TNRC6B: variants seen among roughly 807,000 people sequenced by gnomAD.
The protein encoded by TNRC6B is trinucleotide repeat containing adaptor 6B, also known as trinucleotide repeat-containing gene 6B protein.
TNRC6B carries 52 observed loss-of-function variants against 203.6 expected under a neutral mutation model. The observed-to-expected ratio is 0.26, with a 90% CI of 0.20 to 0.32. The LOEUF (loss-of-function observed/expected upper bound fraction) is 0.32, where lower values mean the gene tolerates loss of function less well. TNRC6B is among the 10% of genes least tolerant of loss of function. TNRC6B has a pLI of 1.00. For missense variants in TNRC6B, 1,923 were observed against 2,286.2 expected, an observed-to-expected ratio of 0.84 and a Z score of 3.24; for synonymous variants, 838 against 845.7, an observed-to-expected ratio of 0.99 and a Z score of 0.16.
chr22:40,117,858 A>G (rs1429526306), intron 2 of TNRC6B, among the ~76,000 whole-genome samples: 1 of 152,142 alleles, frequency 6.6e-6, no homozygotes, highest in Admixed American at 6.6e-5. Flanking sequence ...AATATTTTAT[A>G]TTAAAGTTGT....
intron 1 of TNRC6B, among the ~76,000 whole-genome samples, chr22:40,088,133 G>C (rs1857976176): frequency 6.6e-6 from 1 of 152,164 alleles, no homozygotes. Context: ...ATAAAAAGTT[G>C]TACCTTTAAA....
intron 22 of TNRC6B, chr22:40,321,891 G>C (rs1033045708): frequency 1.3e-5 from 2 of 152,278 alleles, no homozygotes; most frequent in African/African-American, 2.4e-5. Context: ...TGTGGTCTTG[G>C]GGGGTAGCAG....
intron 1 of TNRC6B, among the ~76,000 whole-genome samples, chr22:40,074,241 A>G (rs1447617413): frequency 6.6e-6 from 1 of 151,506 alleles, no homozygotes; most frequent in Non-Finnish European, 1.5e-5. Context: ...GTCTCAAAAA[A>G]AAAAAAAAAA....
At chr22:40,156,153 G>A (rs780517138) in exon 4 of TNRC6B, 3 of 1,580,824 alleles carry the variant, frequency 1.9e-6, no homozygotes, top group Non-Finnish European at 1.7e-6. Context: ...GGCATGGCAA[G>A]ACTCCACCTC....
At chr22:40,194,107 T>G (rs2069306958) in intron 1 of TNRC6B, among the ~76,000 whole-genome samples, 1 of 152,154 alleles carries the variant, frequency 6.6e-6, no homozygotes, top group African/African-American at 2.4e-5. Flanking sequence ...TGAATATGCA[T>G]GACAGTGCGT....
chr22:40,054,046 G>A (rs2067772390), intron 1 of TNRC6B, among the ~76,000 whole-genome samples: 3 of 152,048 alleles, frequency 2.0e-5, no homozygotes, highest in Non-Finnish European at 4.4e-5. Context: ...GCAAAACCCT[G>A]TCTCTGCAAA....
intron 17 of TNRC6B, among the ~76,000 whole-genome samples, chr22:40,312,207 C>T (rs781357298): frequency 7.9e-5 from 12 of 152,206 alleles, no homozygotes; most frequent in Non-Finnish European, 1.8e-4. Context: ...CTTACTCCTG[C>T]TTTCCCTGCC....
intron 1 of TNRC6B, among the ~76,000 whole-genome samples, chr22:40,050,772 A>C (rs983009381): frequency 1.3e-5 from 2 of 151,708 alleles, no homozygotes; most frequent in African/African-American, 4.8e-5. Context: ...CTGTGTTGTA[A>C]GTCTGGGCTT....
intron 4 of TNRC6B, among the ~76,000 whole-genome samples, chr22:40,166,674 A>G (rs2068922503): frequency 6.6e-6 from 1 of 152,224 alleles, no homozygotes; most frequent in Non-Finnish European, 1.5e-5. Flanking sequence ...AAGTGGGCAG[A>G]TCACGAGGTC....
At chr22:40,113,063 C>G (rs969309950) in intron 1 of TNRC6B, among the ~76,000 whole-genome samples, 1 of 152,060 alleles carries the variant, frequency 6.6e-6, no homozygotes, top group Non-Finnish European at 1.5e-5. Context: ...GCTGAGATTG[C>G]GTCACTGCAC....
intron 3 of TNRC6B, among the ~76,000 whole-genome samples, chr22:40,132,136 T>TC (rs1416096701): frequency 6.6e-5 from 10 of 151,946 alleles, no homozygotes; most frequent in Non-Finnish European, 1.3e-4. Flanking sequence ...TGACTTGAGG[T>TC]CAGGAGTTTG....
At chr22:40,258,071 CTTTTTTTTT>C (rs56078653) in intron 3 of TNRC6B, among the ~76,000 whole-genome samples, 13 of 28,716 alleles carry the variant, frequency 4.5e-4, no homozygotes, top group East Asian at 1.9e-3. Flanking sequence ...GATACACAGC[CTTTTTTTTT>C]TTTTTTTTTT....
chr22:40,150,218 A>T (rs1381918902), intron 3 of TNRC6B, among the ~76,000 whole-genome samples: 1 of 152,114 alleles, frequency 6.6e-6, no homozygotes, highest in Non-Finnish European at 1.5e-5. Flanking sequence ...TCTACTAAAA[A>T]ATACAAAAAA....
intron 1 of TNRC6B, among the ~76,000 whole-genome samples, chr22:40,061,384 T>C (rs2067850112): frequency 6.6e-6 from 1 of 151,774 alleles, no homozygotes; most frequent in African/African-American, 2.4e-5. Context: ...CTGCCTAATT[T>C]TTTTTTTTTT....
In TNRC6B at chr22:40,324,059, G is replaced by A. The variant is rs1054992385; in HGVS notation, c.*818G>A. ...TTTTATTTTATTTTTTTAACTATGA[G>A]AACACACAGGCCCGGAGAGCCACTG... is the stretch of plus-strand genomic sequence containing the variant. On this transcript the variant is annotated 3_prime_UTR_variant, in exon 23 of 23. Coordinates refer to ENST00000454349, the MANE Select transcript of TNRC6B (RefSeq NM_001162501.2). 5 of 152,682 alleles carry A rather than the reference G, an allele frequency of 3.3e-5. 1 individual carries two copies. In the South Asian group the frequency reaches 6.2e-4, roughly 19 times the overall value. The allele number at this position is 152,682 out of a possible 1,614,324, so 9.5% of individuals were successfully genotyped here.
chr22:40,322,502 C>T (rs1452457236), intron 22 of TNRC6B, among the ~76,000 whole-genome samples: 1 of 152,350 alleles, frequency 6.6e-6, no homozygotes, highest in South Asian at 2.1e-4. Flanking sequence ...TAGCCCCCCA[C>T]AGACACACAC....
At chr22:40,257,346 C>T (rs962749452) in intron 3 of TNRC6B, among the ~76,000 whole-genome samples, 1 of 151,958 alleles carries the variant, frequency 6.6e-6, no homozygotes, top group South Asian at 2.1e-4. Context: ...CTGTGAGATA[C>T]AAGAATGGAA....
At chr22:40,238,625 A>T (rs976948632) in intron 1 of TNRC6B, among the ~76,000 whole-genome samples, 5 of 152,018 alleles carry the variant, frequency 3.3e-5, no homozygotes, top group African/African-American at 1.2e-4. Flanking sequence ...CCAGATACCC[A>T]CATGGCCCCA....
chr22:40,094,133 A>G (rs1216489820), intron 1 of TNRC6B, among the ~76,000 whole-genome samples: 1 of 152,214 alleles, frequency 6.6e-6, no homozygotes, highest in Non-Finnish European at 1.5e-5. Context: ...ACAGGATGAC[A>G]GTAGTACTTA....
Sources: allele counts gnomAD v4.1 joint callset (sites outside exome capture counted in the v4.1 genomes callset), GRCh38; gene constraint gnomAD v4.1.1; transcripts MANE v1.5; gene names NCBI Gene and HGNC (gene_info 2026-07-23, HGNC 2026-07-21).